UNC80: variants seen among roughly 807,000 people sequenced by gnomAD.
UNC80 encodes protein unc-80 homolog.
UNC80 carries 164 observed loss-of-function variants against 384.6 expected under a neutral mutation model. The ratio of observed to expected loss-of-function variants is 0.43; its 90% confidence interval spans 0.38 to 0.49. The LOEUF (loss-of-function observed/expected upper bound fraction) is 0.49, where lower values mean the gene tolerates loss of function less well. Among genes scored for constraint, UNC80 ranks in the 20% least tolerant of loss-of-function variants. The probability of loss-of-function intolerance (pLI) is 0.00; values close to 1 mark genes in which losing one functional copy is unlikely to be tolerated. For synonymous variants in UNC80, 1,486 were observed against 1,527.8 expected (o/e 0.97, Z 0.64); for missense variants, 3,330 against 4,143.0 (o/e 0.80, Z 5.39).
chr2:209,818,133 C>T (rs2079877092), intron 11 of UNC80, among the ~76,000 whole-genome samples, 181 bp downstream of exon 11: 1 of 152,166 alleles, frequency 6.6e-6, no homozygotes, highest in Admixed American at 6.5e-5. Context: ...AACTATTTAA[C>T]ACCGCACTGT....
intron 6 of UNC80, among the ~76,000 whole-genome samples, chr2:209,790,689 G>T (rs558367807): frequency 1.3e-5 from 2 of 152,248 alleles, no homozygotes; most frequent in South Asian, 2.1e-4. Context: ...TACAGAGGAG[G>T]TTATTCTTTG....
intron 19 of UNC80, 138 bp from the exon 20 acceptor site, chr2:209,840,404 T>C: frequency 1.4e-6 from 1 of 704,274 alleles, no homozygotes; most frequent in South Asian, 1.9e-5. Flanking sequence ...TCAAAGCATG[T>C]ACATTGAAAA....
At chr2:209,870,724 A>G (rs1011724882) in intron 22 of UNC80, among the ~76,000 whole-genome samples, 5 of 152,212 alleles carry the variant, frequency 3.3e-5, no homozygotes, top group Non-Finnish European at 7.4e-5. Flanking sequence ...GACATATACA[A>G]TGAAGAAAGG....
intron 44 of UNC80, 30 bp from the exon 45 acceptor site, chr2:209,943,350 A>T: frequency 6.4e-7 from 1 of 1,550,824 alleles, no homozygotes; most frequent in Non-Finnish European, 8.7e-7. Flanking sequence ...TCATTAAGGC[A>T]TTTTTTGAAT....
In UNC80 at chr2:209,844,016, C is replaced by T. The variant is rs920728360; in HGVS notation, c.3454+1570C>T. Among the ~76,000 whole-genome samples the T allele has an allele frequency of 3.9e-5, 6 of 152,024 alleles. No individual in the cohort carries two copies. In the East Asian group the frequency reaches 9.7e-4, roughly 25 times the overall value. On this transcript the variant is annotated intron_variant, in intron 21 of 64. Transcript: ENST00000673920. Reference sequence around the variant, plus strand: ...TTTAATTATCTCTTAAAGAATTTGGCGAGGGCAAACATCAAGTTTATTAGT... The same window carrying T: ...TTTAATTATCTCTTAAAGAATTTGGTGAGGGCAAACATCAAGTTTATTAGT...
chr2:209,939,557 C>G lies in UNC80; in HGVS notation c.6551C>G (p.Ser2184Cys), dbSNP rs1164854220. The change falls in exon 43 of 65, where the codon TCC (serine) becomes TGC (cysteine). Residue 2184 changes from serine to cysteine, a missense_variant. Transcript: ENST00000673920. ...AAGATCCCCACAGCCCACAAACAGTCCCACGTCTCCATGCTTCAGGAAGAC... is the reference window on the plus strand; with the variant it reads ...AAGATCCCCACAGCCCACAAACAGTGCCACGTCTCCATGCTTCAGGAAGAC... ...TQKIPTAHKQ[S>C]HVSMLQEDLL... is the part of the protein sequence containing the mutation. 8 of 1,551,666 alleles carry G rather than the reference C, an allele frequency of 5.2e-6. No individual in the cohort carries two copies. Among genetic ancestry groups the G allele is most frequent in the Non-Finnish European group, 7.0e-6 (8 of 1,146,970 alleles).
intron 47 of UNC80, among the ~76,000 whole-genome samples, chr2:209,946,207 A>T (rs534371539): frequency 1.3e-5 from 2 of 152,056 alleles, no homozygotes; most frequent in Non-Finnish European, 2.9e-5. Flanking sequence ...CAAAAATTTT[A>T]AAAAATTAAA....
rs1249899568 is a variant in UNC80 at position 209,834,986 on chromosome 2, G to A, written c.3017G>A (p.Gly1006Asp). The change falls in exon 18 of 65, where the codon GGT becomes GAT. Residue 1006 changes from glycine to aspartate, a missense_variant. Around this residue, in one of 8 missense-constraint regions of UNC80, gnomAD observed 801 missense variants for 950.8 expected, o/e 0.84. Coordinates refer to ENST00000673920, the MANE Select transcript of UNC80 (RefSeq NM_001371986.1). ...APEECRSFMS[G>D]RPSQTPEHDE... ...GAGGAATGTCGCAGCTTCATGTCTG[G>A]TCGCCCCTCACAGACTCCAGAGCAG... The A allele has an allele frequency of 4.5e-6, 7 of 1,550,948 alleles. No homozygotes were observed. Among genetic ancestry groups the A allele is most frequent in the Non-Finnish European group, 6.1e-6 (7 of 1,146,432 alleles).
At chr2:209,842,535 C>T in intron 21 of UNC80, 89 bp downstream of exon 21, 2 of 953,914 alleles carry the variant, frequency 2.1e-6, no homozygotes, top group Non-Finnish European at 3.1e-6. Flanking sequence ...TTTCTATTTT[C>T]ATTGGTTTTT....
chr2:209,832,675 A>G (rs911547938), intron 16 of UNC80, among the ~76,000 whole-genome samples: 25 of 152,232 alleles, frequency 1.6e-4, no homozygotes, highest in Admixed American at 1.3e-3. Context: ...CACAGGTACC[A>G]TCCATGCATA....
At chr2:209,911,282 C>G (rs936241161) in intron 29 of UNC80, among the ~76,000 whole-genome samples, 3 of 152,148 alleles carry the variant, frequency 2.0e-5, no homozygotes, top group Non-Finnish European at 4.4e-5. Context: ...GATTTTAGAA[C>G]AGTCTTCAAG....
intron 34 of UNC80, among the ~76,000 whole-genome samples, chr2:209,921,912 T>G (rs1046983959): frequency 6.6e-6 from 1 of 152,238 alleles, no homozygotes; most frequent in East Asian, 1.9e-4. Context: ...TTCAGGGAAC[T>G]GCTGAATCCA....
chr2:209,835,060 C>A, intron 18 of UNC80, 50 bp downstream of exon 18: 1 of 1,389,514 alleles, frequency 7.2e-7, no homozygotes, highest in Non-Finnish European at 9.9e-7. Context: ...GCACTTCACT[C>A]TGGAAGAATT....
intron 19 of UNC80, among the ~76,000 whole-genome samples, chr2:209,840,082 C>A (rs2153829254): frequency 6.6e-6 from 1 of 152,178 alleles, no homozygotes; most frequent in Non-Finnish European, 1.5e-5. Context: ...AGGAGAGTAA[C>A]TCAAGCAAGT....
chr2:209,924,774 A>ATT (rs35650336), intron 35 of UNC80, among the ~76,000 whole-genome samples: 15 of 140,872 alleles, frequency 1.1e-4, no homozygotes, highest in African/African-American at 3.6e-4. Context: ...ATTGTTGCTG[A>ATT]TTTTTTTTTT....
At chr2:209,871,312 T>C (rs10194078) in intron 22 of UNC80, among the ~76,000 whole-genome samples, 152,225 of 152,292 alleles carry the variant, frequency 1, 76,079 homozygotes, top group Non-Finnish European at 1. Context: ...TGGGTTGAAT[T>C]TTATGTTCCT....
Position 209,834,059 on chromosome 2 carries a change from G to T in UNC80, c.2833G>T (p.Val945Phe). 1 of 1,551,782 alleles carries T rather than the reference G, an allele frequency of 6.4e-7. No homozygotes were observed. The highest frequency in any genetic ancestry group is 8.7e-7 in the Non-Finnish European group (1 of 1,146,980). The change falls in exon 17 of 65, where the codon GTC becomes TTC. Residue 945 changes from valine to phenylalanine, a missense_variant. Physicochemically the swap from Val to Phe is conservative, Grantham distance 50 (BLOSUM62 -1). Coordinates refer to ENST00000673920, the MANE Select transcript of UNC80 (RefSeq NM_001371986.1). The stretch of plus-strand genomic sequence containing the variant: ...GTTTATCAAAGAGGCTCATGGGAAT[G>T]TCTTCAGGAGAGTGGCCCTCAGCGC... The part of the protein sequence containing the change: ...VQFIKEAHGN[V>F]FRRVALSALL...
At chr2:209,801,280 AT>A (rs2078531783) in intron 7 of UNC80, among the ~76,000 whole-genome samples, 1 of 150,986 alleles carries the variant, frequency 6.6e-6, no homozygotes, top group African/African-American at 2.4e-5. Context: ...TTCCTATTGA[AT>A]TGTTCCCTTC....
intron 48 of UNC80, among the ~76,000 whole-genome samples, chr2:209,955,766 G>A (rs1479102911): frequency 7.8e-6 from 1 of 128,584 alleles, no homozygotes; most frequent in Non-Finnish European, 1.6e-5. Flanking sequence ...CACAGAGAGA[G>A]ACTGACTCAC....
Sources: allele counts gnomAD v4.1 joint callset (sites outside exome capture counted in the v4.1 genomes callset), GRCh38; gene constraint gnomAD v4.1.1; regional missense constraint gnomAD v4.1.1; transcripts MANE v1.5; gene names NCBI Gene and HGNC (gene_info 2026-07-23, HGNC 2026-07-21).